Variants in GALNT18 observed in about 807,000 individuals in gnomAD.
GALNT18 encodes polypeptide N-acetylgalactosaminyltransferase 18.
In GALNT18, 44 loss-of-function variants were observed where a neutral mutation model predicts 69.5. That is an observed-to-expected ratio of 0.63 (90% CI 0.50 to 0.81). The LOEUF (loss-of-function observed/expected upper bound fraction) is 0.81. GALNT18 is among the 40% of genes least tolerant of loss of function. GALNT18 has a pLI of 0.00. For synonymous variants in GALNT18, 364 were observed against 318.2 expected (o/e 1.14, Z -1.53); for missense variants, 715 against 810.0 (o/e 0.88, Z 1.42).
chr11:11,471,294 T>A lies in GALNT18; in HGVS notation c.236-22358A>T, dbSNP rs150098714. 2.9e-3 allele frequency among the ~76,000 whole-genome samples: 434 copies of A among 152,210 alleles called. 1 individual carries two copies. Among genetic ancestry groups the A allele is most frequent in the African/African-American group, 0.01 (419 of 41,522 alleles). ...GCACCTAATAGATGCACAAGAGAAG[T>A]TTGGTAAATAAATGAAAGAACAAAT... On this transcript the variant is annotated intron_variant, in intron 1 of 10. Coordinates refer to ENST00000227756, the MANE Select transcript of GALNT18 (RefSeq NM_198516.3).
rs1243480551 is a variant in GALNT18 at position 11,505,522 on chromosome 11, G to A, written c.236-56586C>T. 6.6e-6 allele frequency among the ~76,000 whole-genome samples: 1 copy of A among 152,126 alleles called. No individual in the cohort carries two copies. Among genetic ancestry groups the A allele is most frequent in the African/African-American group, 2.4e-5 (1 of 41,422 alleles). ...TCTAGGCCATCACCACAAAGTAATA[G>A]GAGCTGGCATCATCCTGGGTTGCAT... is the stretch of plus-strand genomic sequence containing the variant. On this transcript the variant is annotated intron_variant, in intron 1 of 10. Coordinates refer to ENST00000227756, the MANE Select transcript of GALNT18 (RefSeq NM_198516.3). The surrounding 1 kb of genome is among the most constrained non-coding windows in gnomAD (Gnocchi z 4.6).
chr11:11,525,748 C>A (rs11021898), intron 1 of GALNT18, among the ~76,000 whole-genome samples: 38,988 of 150,628 alleles, frequency 0.26, 5,451 homozygotes, highest in African/African-American at 0.28. Flanking sequence ...AATTCTCCTG[C>A]CTCAGCCTCC....
intron 3 of GALNT18, among the ~76,000 whole-genome samples, chr11:11,407,090 A>G (rs904326104): frequency 1.3e-5 from 2 of 152,216 alleles, no homozygotes; most frequent in Middle Eastern, 3.2e-3. Context: ...TACTGAGCCT[A>G]ATGGATTTAA....
At chr11:11,533,525 T>C (rs1857701960) in intron 1 of GALNT18, among the ~76,000 whole-genome samples, 1 of 152,174 alleles carries the variant, frequency 6.6e-6, no homozygotes, top group African/African-American at 2.4e-5. Context: ...GACAGACACA[T>C]GTACCATCTC....
chr11:11,460,196 T>C (rs1856009993), intron 1 of GALNT18, among the ~76,000 whole-genome samples: 1 of 152,206 alleles, frequency 6.6e-6, no homozygotes, highest in Non-Finnish European at 1.5e-5. Context: ...TTTTGCCATG[T>C]AAGGTAACAT....
At chr11:11,495,975 T>C (rs1187069818) in intron 1 of GALNT18, among the ~76,000 whole-genome samples, 1 of 152,242 alleles carries the variant, frequency 6.6e-6, no homozygotes, top group Non-Finnish European at 1.5e-5. Flanking sequence ...ATCCATTCTT[T>C]CATTATAACT....
In GALNT18 at chr11:11,415,196, A is replaced by G. The variant is rs941428247; in HGVS notation, c.595+17425T>C. Among the ~76,000 whole-genome samples the G allele has an allele frequency of 6.6e-6, 1 of 152,188 alleles. No individual in the cohort carries two copies. Among genetic ancestry groups the G allele is most frequent in the Non-Finnish European group, 1.5e-5 (1 of 68,036 alleles). On this transcript the variant is annotated intron_variant, in intron 3 of 10. Transcript: ENST00000227756. This position sits in a 1 kb window ranked among gnomAD's most constrained non-coding sequence, Gnocchi z 4.1. ...AGAACACTCTGCTTTCAGAAGGTTC[A>G]TGTGATTATGTCAGGCCCAACCAAC...
rs142385801 is a variant in GALNT18, at chr11:11,275,461, C to G, written c.1678-4171G>C. On this transcript the variant is annotated intron_variant, in intron 10 of 10. Transcript: ENST00000227756. ...GCCCTTTGTCAGATGGACAGATTGCCAAAGTTTTCTCTCATTCTGTAGTTG... is the reference window on the plus strand; with the variant it reads ...GCCCTTTGTCAGATGGACAGATTGCGAAAGTTTTCTCTCATTCTGTAGTTG... Among the ~76,000 whole-genome samples, 1,485 of 152,230 alleles carry G rather than the reference C, an allele frequency of 9.8e-3. 11 individuals are homozygous for G. The highest frequency in any genetic ancestry group is 0.024 in the Middle Eastern group (7 of 294).
At chr11:11,319,077 G>A (rs1849800552) in intron 9 of GALNT18, among the ~76,000 whole-genome samples, 1 of 139,448 alleles carries the variant, frequency 7.2e-6, no homozygotes, top group Admixed American at 7.0e-5. Context: ...TTCCTCAAAT[G>A]CACTCAGTAC....
intron 9 of GALNT18, among the ~76,000 whole-genome samples, chr11:11,308,228 G>A (rs980601654): frequency 6.6e-6 from 1 of 152,194 alleles, no homozygotes. Context: ...CCGTGTAAGC[G>A]ATGGTGGAAA....
At chr11:11,599,176 T>C (rs1859574084) in intron 1 of GALNT18, among the ~76,000 whole-genome samples, 1 of 152,154 alleles carries the variant, frequency 6.6e-6, no homozygotes, top group Non-Finnish European at 1.5e-5. Flanking sequence ...GTTCTACCCA[T>C]TATTTAAAGA....
chr11:11,289,314 C>T (rs544235303), intron 10 of GALNT18, among the ~76,000 whole-genome samples: 1 of 152,316 alleles, frequency 6.6e-6, no homozygotes, highest in Non-Finnish European at 1.5e-5. Flanking sequence ...AATAGTATTT[C>T]CAAACAGTTC....
intron 6 of GALNT18, among the ~76,000 whole-genome samples, chr11:11,364,855 G>C (rs1018596156): frequency 6.6e-6 from 1 of 152,198 alleles, no homozygotes; most frequent in Non-Finnish European, 1.5e-5. Flanking sequence ...AATAACTAGA[G>C]TTAGGTGGGG....
rs1170822601 is a variant in GALNT18, at chr11:11,413,908, G to A, written c.595+18713C>T. On this transcript the variant is annotated intron_variant, in intron 3 of 10. Coordinates refer to ENST00000227756, the MANE Select transcript of GALNT18 (RefSeq NM_198516.3). The surrounding 1 kb of genome is among the most constrained non-coding windows in gnomAD (Gnocchi z 4.7). ...CGTCCCTCAGCTGTTTCACAGGCAG[G>A]TCACATTTGGCACATTCAGGACTTC... Among the ~76,000 whole-genome samples, 3 of 152,148 alleles carry A rather than the reference G, an allele frequency of 2.0e-5. No individual in the cohort carries two copies. Among genetic ancestry groups the A allele is most frequent in the African/African-American group, 7.2e-5 (3 of 41,428 alleles).
chr11:11,359,812 T>G (rs193090866), intron 6 of GALNT18, among the ~76,000 whole-genome samples: 385 of 152,274 alleles, frequency 2.5e-3, no homozygotes, highest in Non-Finnish European at 4.7e-3. Context: ...CACAACCTAG[T>G]GATTAAGGCA....
chr11:11,536,570 G>C, intron 1 of GALNT18, among the ~76,000 whole-genome samples: 1 of 151,524 alleles, frequency 6.6e-6, no homozygotes, highest in East Asian at 1.9e-4. Context: ...CCTGACATCA[G>C]CTTCTTCCTC....
At chr11:11,379,001 A>T (rs1028304422) in intron 4 of GALNT18, 80 bp downstream of exon 4, 14 of 1,301,452 alleles carry the variant, frequency 1.1e-5, no homozygotes, top group Non-Finnish European at 1.4e-5. Context: ...TATGACCAAG[A>T]TCCTAGCATG....
At chr11:11,528,679 A>G (rs1388434678) in intron 1 of GALNT18, among the ~76,000 whole-genome samples, 6 of 152,232 alleles carry the variant, frequency 3.9e-5, no homozygotes, top group Admixed American at 6.5e-5. Context: ...AAGGAGGTAG[A>G]TGCAGGAAAG....
At chr11:11,328,445 A>G (rs936784924) in intron 8 of GALNT18, among the ~76,000 whole-genome samples, 3 of 151,978 alleles carry the variant, frequency 2.0e-5, no homozygotes, top group Non-Finnish European at 4.4e-5. Context: ...GGGCCTTTGT[A>G]CTCCTGATGG....
Sources: gnomAD v4.1 joint callset for allele counts (sites outside exome capture counted in the v4.1 genomes callset) on GRCh38, gnomAD v4.1.1 for gene constraint, Gnocchi (gnomAD v3.1) non-coding constraint, MANE v1.5 for transcripts, NCBI Gene and HGNC (gene_info 2026-07-23, HGNC 2026-07-21) for gene names.